Variants in TJAP1 observed in about 807,000 individuals in gnomAD.
TJAP1 encodes tight junction-associated protein 1.
A neutral mutation model predicts 42.0 loss-of-function variants in TJAP1; 27 were observed. The ratio of observed to expected loss-of-function variants is 0.64; its 90% CI spans 0.47 to 0.89. TJAP1 has a LOEUF of 0.89. Ranked by LOEUF, TJAP1 falls within the 40% of genes least tolerant of loss-of-function variation. The pLI is 0.00. For missense variants in TJAP1, 712 were observed against 726.9 expected (o/e 0.98, Z 0.24); for synonymous variants, 257 against 288.4 (o/e 0.89, Z 1.10).
chr6:43,493,869 C>G lies in TJAP1; in HGVS notation c.-121-4012C>G, dbSNP rs951845822. ...AAGCCCCTGATCAAATATGCGTACCCACAAAAGGGAGCAGGTATAAGTCCC... is the reference window on the plus strand; with the variant it reads ...AAGCCCCTGATCAAATATGCGTACCGACAAAAGGGAGCAGGTATAAGTCCC... On this transcript the variant is annotated intron_variant, in intron 2 of 10. Transcript: ENST00000372449. 3.3e-5 allele frequency among the ~76,000 whole-genome samples: 5 copies of G among 152,246 alleles called. No individual in the cohort carries two copies. The South Asian group carries it at 6.2e-4, about 19-fold the overall frequency.
chr6:43,492,473 T>TTGGC lies in TJAP1; in HGVS notation c.-121-5405_-121-5402dup, dbSNP rs760508216. ...TGCCCAGTCCCCACCCTATGAGCTG[T>TTGGC]TGGCTGCCTGCCTGCCACGCGCCCG... is the stretch of plus-strand genomic sequence containing the variant. On this transcript the variant is annotated intron_variant, in intron 2 of 10. Coordinates refer to ENST00000372449, the Ensembl canonical transcript of TJAP1. This position sits in a 1 kb window ranked among gnomAD's most constrained non-coding sequence, Gnocchi z 4.2. Among the ~76,000 whole-genome samples, 2 of 152,202 alleles carry TTGGC rather than the reference T, an allele frequency of 1.3e-5. No homozygotes were observed. The highest frequency in any genetic ancestry group is 1.9e-4 in the East Asian group (1 of 5,180).
chr6:43,503,303 C>A, intron 8 of TJAP1, 98 bp from the exon 9 acceptor site: 2 of 886,634 alleles, frequency 2.3e-6, no homozygotes, highest in South Asian at 1.5e-5. Context: ...GCTGCCCTAG[C>A]ACCTGTGGCC....
chr6:43,500,618 C>T (rs1014822712), intron 4 of TJAP1, 126 bp from the exon 5 acceptor site: 3 of 1,002,714 alleles, frequency 3.0e-6, no homozygotes, highest in Non-Finnish European at 4.8e-6. Flanking sequence ...GAGAGCCCTG[C>T]AGCCCTCTTC....
At position 43,505,653 on chromosome 6, in the gene TJAP1, G is replaced by C; in HGVS notation, c.1472G>C (p.Ser491Thr). 2 of 1,611,946 alleles carry C rather than the reference G, an allele frequency of 1.2e-6. No homozygotes were observed. The highest frequency in any genetic ancestry group is 1.7e-6 in the Non-Finnish European group (2 of 1,178,806). ...GAAGAAGAGCTGAACCTGCCTATCA[G>C]TCCTGAGGAAGAGCGCCAGAGCCTG... is the stretch of plus-strand genomic sequence containing the variant. Residue 491 changes from serine (S) to threonine (T), a missense_variant, in exon 11 of 11, where the codon AGT becomes ACT. By Grantham distance (58) the Ser-to-Thr change is moderately conservative (BLOSUM62 1). Around this residue, in one of 3 missense-constraint regions of TJAP1, gnomAD observed 549 missense variants for 528.2 expected, o/e 1.04. Transcript: ENST00000372449. The surrounding 1 kb of genome is among the most constrained non-coding windows in gnomAD (Gnocchi z 5.5).
chr6:43,505,850 A>G lies in TJAP1; in HGVS notation c.1669A>G (p.Asn557Asp). Reference sequence around the variant, plus strand: ...GGCCCAGGAGCAGGGCAACCTGCTCAACTAGGGCCCCTGCTGGCCTTCCTG... The same window carrying G: ...GGCCCAGGAGCAGGGCAACCTGCTCGACTAGGGCCCCTGCTGGCCTTCCTG... Residue 557 changes from asparagine (N) to aspartate (D), a missense_variant, in exon 11 of 11, where the codon AAC becomes GAC. Asn to Asp is a conservative substitution (Grantham distance 23). Coordinates refer to ENST00000372449, the Ensembl canonical transcript of TJAP1. This position sits in a 1 kb window ranked among gnomAD's most constrained non-coding sequence, Gnocchi z 5.5. The G allele has an allele frequency of 4.1e-6, 6 of 1,466,616 alleles. No individual in the cohort carries two copies. In the South Asian group the frequency reaches 7.2e-5, roughly 18 times the overall value. The allele number at this position is 1,466,616 out of a possible 1,614,324, so 90.9% of individuals were successfully genotyped here.
chr6:43,504,407 G>A (rs1368506471), intron 10 of TJAP1: 1 of 277,856 alleles, frequency 3.6e-6, no homozygotes. Context: ...GAGCCACTGT[G>A]CCCGGCCCAG....
At chr6:43,478,586 TG>T (rs1282058120) in intron 2 of TJAP1, 2 of 152,126 alleles carry the variant, frequency 1.3e-5, no homozygotes, top group Non-Finnish European at 2.9e-5. Context: ...TGCCTGGAAG[TG>T]GAGATTTGTG....
At chr6:43,501,806 T>A in intron 6 of TJAP1, 119 bp downstream of exon 6, 1 of 635,270 alleles carries the variant, frequency 1.6e-6, no homozygotes, top group Non-Finnish European at 2.9e-6. Flanking sequence ...TCTCCTTTCA[T>A]AGGAGGTTAG....
At position 43,503,509 on chromosome 6, in the gene TJAP1, G is replaced by A. The variant is rs1351837030; in HGVS notation, c.495+1G>A. 6.2e-7 allele frequency: 1 copy of A among 1,613,158 alleles called. No homozygotes were observed. The highest frequency in any genetic ancestry group is 1.1e-5 in the South Asian group (1 of 91,064). On this transcript the variant is annotated splice_donor_variant, in intron 9 of 10. Coordinates refer to ENST00000372449, the Ensembl canonical transcript of TJAP1. LOFTEE classifies it high-confidence loss of function. ...CATCAACAAGCTGGAAGAGCTCAATGTATGTGCGCTTCACTACTCGGGCCT... is the reference window on the plus strand; with the variant it reads ...CATCAACAAGCTGGAAGAGCTCAATATATGTGCGCTTCACTACTCGGGCCT...
At chr6:43,503,486 T>A (rs1440973898) in exon 9 of TJAP1, 1 of 1,614,092 alleles carries the variant, frequency 6.2e-7, no homozygotes, top group Middle Eastern at 1.7e-4. Flanking sequence ...AAGAACACCA[T>A]CAACAAGCTG....
Position 43,505,864 on chromosome 6 carries a change from C to G in TJAP1, c.*9C>G. On this transcript the variant is annotated 3_prime_UTR_variant, in exon 11 of 11. Transcript: ENST00000372449. This position sits in a 1 kb window ranked among gnomAD's most constrained non-coding sequence, Gnocchi z 5.5. Reference sequence around the variant, plus strand: ...GCAACCTGCTCAACTAGGGCCCCTGCTGGCCTTCCTGCCATTGCTGCACCA... The same window carrying G: ...GCAACCTGCTCAACTAGGGCCCCTGGTGGCCTTCCTGCCATTGCTGCACCA... The G allele has an allele frequency of 6.9e-7, 1 of 1,446,684 alleles. No homozygotes were observed. Among genetic ancestry groups the G allele is most frequent in the South Asian group, 1.5e-5 (1 of 67,746 alleles). 89.6% of individuals were successfully genotyped at this position (1,446,684 alleles called of 1,614,324 possible). A position where few individuals can be genotyped will look rare whatever the true frequency, so the allele number is the denominator to read the frequency against.
chr6:43,480,558 G>A (rs547144207), intron 2 of TJAP1, among the ~76,000 whole-genome samples: 1 of 151,502 alleles, frequency 6.6e-6, no homozygotes, highest in East Asian at 1.9e-4. Flanking sequence ...CGTTCTTGTC[G>A]CCCAGGCCGG....
intron 2 of TJAP1, among the ~76,000 whole-genome samples, chr6:43,481,205 G>C (rs1446352818): frequency 6.6e-6 from 1 of 152,104 alleles, no homozygotes; most frequent in Non-Finnish European, 1.5e-5. Context: ...CTGGTGCATG[G>C]GCTGTGGTGA....
In TJAP1 at chr6:43,504,970, T is replaced by A. The variant is rs3734689; in HGVS notation, c.789T>A (p.His263Gln). The A allele has an allele frequency of 2.5e-6, 4 of 1,614,050 alleles. No individual in the cohort carries two copies. In the Admixed American group the frequency reaches 6.7e-5, roughly 27 times the overall value. Residue 263 changes from histidine (H) to glutamine (Q), a missense_variant, in exon 11 of 11, where the codon CAT becomes CAA. By Grantham distance (24) the His-to-Gln change is conservative (BLOSUM62 0). Around this residue, in one of 3 missense-constraint regions of TJAP1, gnomAD observed 549 missense variants for 528.2 expected, o/e 1.04. Coordinates refer to ENST00000372449, the Ensembl canonical transcript of TJAP1. ...CCTTGGCTGAGGATGTCTTTGTGCA[T>A]GTGGACATGAGTGAGGGTGTCCCAG...
Position 43,491,646 on chromosome 6 carries a change from A to G in TJAP1, c.-121-6235A>G, listed in dbSNP as rs1416850328. 6.6e-6 allele frequency among the ~76,000 whole-genome samples: 1 copy of G among 152,176 alleles called. No individual in the cohort carries two copies. Among genetic ancestry groups the G allele is most frequent in the East Asian group, 1.9e-4 (1 of 5,204 alleles). ...CGTCCAATAAATGAATATATGTACT[A>G]TGCAATATTAAGGATTTATAGTACT... On this transcript the variant is annotated intron_variant, in intron 2 of 10. Transcript: ENST00000372449. The surrounding 1 kb of genome is among the most constrained non-coding windows in gnomAD (Gnocchi z 4.6).
intron 4 of TJAP1, 84 bp from the exon 5 acceptor site, chr6:43,500,660 G>C: frequency 1.3e-6 from 2 of 1,510,904 alleles, no homozygotes; most frequent in Non-Finnish European, 1.8e-6. Context: ...TCACACCTGA[G>C]CCTTCTTGTG....
intron 2 of TJAP1, among the ~76,000 whole-genome samples, chr6:43,494,648 CTTTTTTTTTTTT>C (rs775378416): frequency 1.7e-5 from 2 of 114,400 alleles, no homozygotes; most frequent in Non-Finnish European, 1.7e-5. Context: ...TGTTGATTTC[CTTTTTTTTTTTT>C]TTTTTTTTTG....
chr6:43,478,042 TCTG>T (rs1450675275), intron 1 of TJAP1, 42 bp from the exon 2 acceptor site: 1 of 152,260 alleles, frequency 6.6e-6, no homozygotes, highest in East Asian at 1.9e-4. Flanking sequence ...GCCGGGCAGA[TCTG>T]CTAAGGAGGG....
intron 10 of TJAP1, chr6:43,504,517 C>T (rs1791787040): frequency 1.8e-6 from 1 of 567,292 alleles, no homozygotes; most frequent in Non-Finnish European, 3.1e-6. Flanking sequence ...AACATGCTGG[C>T]TGCAGCAGCA....
Sources: gnomAD v4.1 joint callset for allele counts (sites outside exome capture counted in the v4.1 genomes callset) on GRCh38, gnomAD v4.1.1 for gene constraint, gnomAD v4.1.1 regional missense constraint, Gnocchi (gnomAD v3.1) non-coding constraint, MANE v1.5 for transcripts, NCBI Gene and HGNC (gene_info 2026-07-23, HGNC 2026-07-21) for gene names.